The following AARS1 variants were observed in gnomAD, a reference collection of about 807,000 sequenced individuals.
AARS1 encodes alanine--tRNA ligase, cytoplasmic.
AARS1 carries 72 observed loss-of-function variants against 108.9 expected under a neutral mutation model. The observed-to-expected ratio is 0.66, with a 90% CI of 0.55 to 0.80. The LOEUF is 0.80. Among genes scored for constraint, AARS1 ranks in the 30% least tolerant of loss-of-function variants. The pLI, the probability that AARS1 is intolerant of heterozygous loss-of-function variation, is 0.00. For missense variants in AARS1, 1,193 were observed against 1,233.2 expected (o/e 0.97, Z 0.49); for synonymous variants, 489 against 465.7 (o/e 1.05, Z -0.64).
At chr16:70,267,273 A>C (rs1328239997) in intron 9 of AARS1, among the ~76,000 whole-genome samples, 1 of 152,198 alleles carries the variant, frequency 6.6e-6, no homozygotes, top group Non-Finnish European at 1.5e-5. Flanking sequence ...CCCAAATTGC[A>C]AAACAGTACA....
chr16:70,268,139 G>T, intron 8 of AARS1, 132 bp downstream of exon 8: 1 of 866,374 alleles, frequency 1.2e-6, no homozygotes, highest in Non-Finnish European at 1.9e-6. Flanking sequence ...TTGCACTCCA[G>T]CGTGGGTGAC....
rs112717253 is a variant in AARS1 at position 70,268,203 on chromosome 16, C to T, written c.1071+68G>A. ...AACAAAAAGCTGCTTAACAGTATGC[C>T]CTCTCCCACTCCATCCCTCTTAACG... On this transcript the variant is annotated intron_variant, in intron 8 of 20. Transcript: ENST00000261772. 6.6e-5 allele frequency: 94 copies of T among 1,415,304 alleles called. 3 individuals are homozygous for T. The highest frequency in any genetic ancestry group is 5.9e-4 in the African/African-American group (42 of 70,992). 87.7% of individuals were successfully genotyped at this position (1,415,304 alleles called of 1,614,324 possible).
chr16:70,262,566 T>A, intron 11 of AARS1, 42 bp from the exon 12 acceptor site: 1 of 1,574,150 alleles, frequency 6.4e-7, no homozygotes, highest in Non-Finnish European at 8.7e-7. Context: ...GTGGGGTCAA[T>A]GACCTTTTCA....
intron 1 of AARS1, among the ~76,000 whole-genome samples, chr16:70,285,399 C>A (rs776472231): frequency 6.6e-6 from 1 of 152,136 alleles, no homozygotes; most frequent in Non-Finnish European, 1.5e-5. Flanking sequence ...CCTGCCTCAG[C>A]CTCCCAAGTA....
intron 4 of AARS1, among the ~76,000 whole-genome samples, chr16:70,275,681 T>C (rs1385296079): frequency 6.6e-6 from 1 of 151,582 alleles, no homozygotes; most frequent in Non-Finnish European, 1.5e-5. Flanking sequence ...GAGAATGGCG[T>C]GAACCTGGGA....
chr16:70,273,297 C>T (rs998012036), intron 4 of AARS1, among the ~76,000 whole-genome samples: 21 of 152,190 alleles, frequency 1.4e-4, no homozygotes, highest in Admixed American at 1.1e-3. Flanking sequence ...AGGGCACACA[C>T]CCCATGTTCA....
At position 70,254,668 on chromosome 16, in the gene AARS1, T is replaced by G. The variant is rs762170680; in HGVS notation, c.2353A>C (p.Thr785Pro). The G allele has an allele frequency of 6.2e-7, 1 of 1,614,112 alleles. No individual in the cohort carries two copies. The highest frequency in any genetic ancestry group is 1.7e-5 in the Admixed American group (1 of 60,024). The part of the protein sequence containing the change: ...SVMEAKVKAQ[T>P]APNKDVQREI... ...CTCTGCACATCCTTGTTTGGAGCAG[T>G]CTGAGCCTTCACTTTGGCTTCCATG... is the stretch of plus-strand genomic sequence containing the variant. The change falls in exon 17 of 21, where the codon ACT becomes CCT. Residue 785 changes from threonine (T) to proline (P), a missense_variant. Thr to Pro is a conservative substitution (Grantham distance 38, BLOSUM62 -1). Transcript: ENST00000261772.
At position 70,282,652 on chromosome 16, in the gene AARS1, T is replaced by TG. The variant is rs1597448762; in HGVS notation, c.111dup (p.Thr38HisfsTer13). The stretch of plus-strand genomic sequence containing the variant: ...ATGCCTGCATTGGCAAAGAGCAAAG[T>TG]GGGGTCATCCAATGGGATGGTGGCA... On this transcript the variant is annotated frameshift_variant, in exon 2 of 21. Transcript: ENST00000261772. LOFTEE classifies it high-confidence loss of function. 2.5e-6 allele frequency: 4 copies of TG among 1,614,150 alleles called. No individual in the cohort carries two copies. The highest frequency in any genetic ancestry group is 3.4e-6 in the Non-Finnish European group (4 of 1,180,016).
chr16:70,288,203 C>T (rs1383123630), intron 1 of AARS1, among the ~76,000 whole-genome samples: 6 of 142,566 alleles, frequency 4.2e-5, no homozygotes, highest in Admixed American at 3.5e-4. Context: ...CCCGGGTTCA[C>T]GCCATTCTCC....
At chr16:70,281,856 AAAT>A (rs1395146787) in intron 2 of AARS1, among the ~76,000 whole-genome samples, 4 of 151,758 alleles carry the variant, frequency 2.6e-5, no homozygotes, top group Admixed American at 1.3e-4. Flanking sequence ...TCTCTCTAAA[AAAT>A]AATAATAGCT....
In AARS1 at chr16:70,269,770, A is replaced by T; in HGVS notation, c.817-7T>A. 6.2e-7 allele frequency: 1 copy of T among 1,614,086 alleles called. No individual in the cohort carries two copies. Among genetic ancestry groups the T allele is most frequent in the Non-Finnish European group, 8.5e-7 (1 of 1,180,014 alleles). Reference sequence around the variant, plus strand: ...ATGGTCGGGCACCTGTGCCCTATAGATAAGAATCAGGAGGCAGCCCTTTAG... The same window carrying T: ...ATGGTCGGGCACCTGTGCCCTATAGTTAAGAATCAGGAGGCAGCCCTTTAG... On this transcript the variant is annotated splice_polypyrimidine_tract_variant and splice_region_variant and intron_variant, in intron 6 of 20. Transcript: ENST00000261772.
Position 70,261,059 on chromosome 16 carries a change from C to G in AARS1, c.1770G>C (p.Trp590Cys). The part of the protein sequence containing the change: ...YGDLKVGDQV[W>C]LFIDEPRRRP... ...CCCAACTCACCTCATCAATAAACAG[C>G]CAGACCTGATCCCCCACTTTCAGGT... The change falls in exon 13 of 21, where the codon TGG becomes TGC. Residue 590 changes from tryptophan to cysteine, a missense_variant. By Grantham distance (215) the Trp-to-Cys change is radical. Transcript: ENST00000261772. 6.2e-7 allele frequency: 1 copy of G among 1,613,332 alleles called. No homozygotes were observed. The highest frequency in any genetic ancestry group is 8.5e-7 in the Non-Finnish European group (1 of 1,179,514).
intron 4 of AARS1, among the ~76,000 whole-genome samples, chr16:70,275,913 G>A (rs992893712): frequency 3.3e-5 from 4 of 122,320 alleles, no homozygotes; most frequent in African/African-American, 1.0e-4. Context: ...CTCCAGTCTG[G>A]GAGACAGAGC....
chr16:70,270,851 A>G (rs929680474), intron 5 of AARS1, among the ~76,000 whole-genome samples: 17 of 123,412 alleles, frequency 1.4e-4, no homozygotes, highest in East Asian at 2.1e-4. Flanking sequence ...AAAAAAAAAA[A>G]AAAAGAAAAG....
rs370536219 is a variant in AARS1 at position 70,270,220 on chromosome 16, G to C, written c.792C>G (p.Val264=). The part of the protein sequence containing the change: ...KMSNYDTDLF[V]PYFEAIQKGT... ...CCTTCTGAATGGCTTCAAAGTAAGGGACAAAAAGGTCAGTGTCATAGTTGG... is the reference window on the plus strand; with the variant it reads ...CCTTCTGAATGGCTTCAAAGTAAGGCACAAAAAGGTCAGTGTCATAGTTGG... Residue 264 remains valine (V), a synonymous_variant, in exon 6 of 21, where the codon GTC becomes GTG. Coordinates refer to ENST00000261772, the MANE Select transcript of AARS1 (RefSeq NM_001605.3). 3 of 1,613,968 alleles carry C rather than the reference G, an allele frequency of 1.9e-6. No individual in the cohort carries two copies. The highest frequency in any genetic ancestry group is 2.2e-5 in the South Asian group (2 of 91,078).
rs1265629633 is a variant in AARS1 at position 70,262,518 on chromosome 16, T to C, written c.1499A>G (p.Glu500Gly). 6.2e-7 allele frequency: 1 copy of C among 1,611,340 alleles called. No individual in the cohort carries two copies. Residue 500 changes from glutamate to glycine, a missense_variant, in exon 12 of 21, where the codon GAG (glutamate) becomes GGG (glycine). Coordinates refer to ENST00000261772, the MANE Select transcript of AARS1 (RefSeq NM_001605.3). ...HLDSSGSYVF[E>G]NTVATVMALR... ...AGCCATCACCGTAGCCACTGTGTTCTCAAATACTGCTCAAGGGAAATGCAT... is the reference window on the plus strand; with the variant it reads ...AGCCATCACCGTAGCCACTGTGTTCCCAAATACTGCTCAAGGGAAATGCAT...
intron 4 of AARS1, among the ~76,000 whole-genome samples, chr16:70,273,388 T>C (rs982350517): frequency 6.6e-6 from 1 of 152,226 alleles, no homozygotes; most frequent in Admixed American, 6.5e-5. Context: ...TGTCTTAGCT[T>C]TTATACTATG....
chr16:70,272,481 G>C (rs1015298151), intron 4 of AARS1, among the ~76,000 whole-genome samples: 3 of 125,344 alleles, frequency 2.4e-5, no homozygotes, highest in African/African-American at 9.4e-5. Flanking sequence ...ACTCCAGCCT[G>C]GGCAACGAGA....
At chr16:70,287,475 C>T (rs1345763941) in intron 1 of AARS1, among the ~76,000 whole-genome samples, 8 of 150,520 alleles carry the variant, frequency 5.3e-5, no homozygotes, top group Admixed American at 2.0e-4. Context: ...GCTTTACACA[C>T]AGGTCTCGCT....
Sources: gnomAD v4.1 joint callset for allele counts (sites outside exome capture counted in the v4.1 genomes callset) on GRCh38, gnomAD v4.1.1 for gene constraint, MANE v1.5 for transcripts, NCBI Gene and HGNC (gene_info 2026-07-23, HGNC 2026-07-21) for gene names.